Variants in AGO2 observed in about 807,000 individuals in gnomAD.
AGO2 encodes argonaute RISC catalytic component 2, also known as protein argonaute-2.
In AGO2, 5 loss-of-function variants were observed where a neutral mutation model predicts 102.3. That is an observed-to-expected ratio of 0.05 (90% CI 0.03 to 0.10). The LOEUF (loss-of-function observed/expected upper bound fraction) is 0.10, where lower values mean the gene tolerates loss of function less well. AGO2 is among the 10% of genes least tolerant of loss of function. The pLI is 1.00. For missense variants in AGO2, 541 were observed against 1,183.7 expected (o/e 0.46, Z 7.97); for synonymous variants, 449 against 473.1 (o/e 0.95, Z 0.66).
At chr8:140,562,106 C>T (rs1041681947) in intron 4 of AGO2, among the ~76,000 whole-genome samples, 10 of 152,180 alleles carry the variant, frequency 6.6e-5, no homozygotes, top group South Asian at 2.1e-4. Flanking sequence ...GCATGCAGCA[C>T]GAAACTGGGA....
chr8:140,551,184 C>T, intron 11 of AGO2, 119 bp downstream of exon 11: 1 of 1,237,088 alleles, frequency 8.1e-7, no homozygotes, highest in Non-Finnish European at 1.1e-6. Flanking sequence ...ACCCTGACAT[C>T]AAAACCCATA....
intron 1 of AGO2, chr8:140,592,827 C>G (rs901132169): frequency 3.3e-5 from 5 of 152,332 alleles, no homozygotes; most frequent in Non-Finnish European, 5.9e-5. Flanking sequence ...ATTTCTCCAG[C>G]ATCAACATTA....
At chr8:140,626,357 CAAAGT>C (rs2074276287) in intron 1 of AGO2, 2 of 152,134 alleles carry the variant, frequency 1.3e-5, no homozygotes, top group South Asian at 4.1e-4. Flanking sequence ...TCCCTGCTTG[CAAAGT>C]AAAGACCCAG....
At chr8:140,553,409 T>G (rs1191234861) in intron 10 of AGO2, among the ~76,000 whole-genome samples, 34 of 113,758 alleles carry the variant, frequency 3.0e-4, no homozygotes, top group East Asian at 1.1e-3. Flanking sequence ...TTTTTGTTTT[T>G]TGTTTTTTTT....
In AGO2 at chr8:140,558,476, G is replaced by A; in HGVS notation, c.878+9C>T. 1 of 1,614,156 alleles carries A rather than the reference G, an allele frequency of 6.2e-7. No individual in the cohort carries two copies. Among genetic ancestry groups the A allele is most frequent in the Non-Finnish European group, 8.5e-7 (1 of 1,179,956 alleles). ...CAGCCAAGAGAGTCTGAAAGGAAGG[G>A]CGTGTTACGTTTGGTGACTGGCGGG... On this transcript the variant is annotated intron_variant, in intron 7 of 18. Coordinates refer to ENST00000220592, the MANE Select transcript of AGO2 (RefSeq NM_012154.5).
At chr8:140,600,823 G>A (rs2073922776) in intron 1 of AGO2, among the ~76,000 whole-genome samples, 2 of 151,634 alleles carry the variant, frequency 1.3e-5, no homozygotes, top group South Asian at 4.2e-4. Flanking sequence ...TCAAACCCCA[G>A]TGAGTGGGTC....
chr8:140,578,027 C>T (rs942911967), intron 2 of AGO2, among the ~76,000 whole-genome samples: 1 of 152,168 alleles, frequency 6.6e-6, no homozygotes, highest in Non-Finnish European at 1.5e-5. Flanking sequence ...CCCGTGGAGT[C>T]GGCTGGCAGA....
Position 140,521,298 on chromosome 8 carries a change from A to C in AGO2, c.*10746T>G, listed in dbSNP as rs2072412665. 1 of 152,202 alleles carries C rather than the reference A, an allele frequency of 6.6e-6. No individual in the cohort carries two copies. The highest frequency in any genetic ancestry group is 2.1e-4 in the South Asian group (1 of 4,832). 9.4% of individuals were successfully genotyped at this position (152,202 alleles called of 1,614,324 possible). On this transcript the variant is annotated 3_prime_UTR_variant, in exon 19 of 19. Transcript: ENST00000220592. ...TAGAGCTTAAGTATCAACCTGATGG[A>C]AGTTAGAAAATTAAAAACATTTAAG...
intron 2 of AGO2, among the ~76,000 whole-genome samples, chr8:140,574,570 G>C (rs902857085): frequency 6.6e-6 from 1 of 152,010 alleles, no homozygotes; most frequent in Non-Finnish European, 1.5e-5. Flanking sequence ...AGCTCAGGGG[G>C]GTTCTGAGGC....
intron 1 of AGO2, among the ~76,000 whole-genome samples, chr8:140,597,483 C>CCCCCCCCCCCCCG (rs2073865184): frequency 7.2e-6 from 1 of 138,234 alleles, no homozygotes; most frequent in African/African-American, 3.0e-5. Flanking sequence ...CACCCCCCCC[C>CCCCCCCCCCCCCG]CCCCGCCCCA....
chr8:140,582,113 T>C (rs918879630), intron 2 of AGO2, among the ~76,000 whole-genome samples: 5 of 152,232 alleles, frequency 3.3e-5, no homozygotes, highest in Admixed American at 2.6e-4. Flanking sequence ...TATTATTCTA[T>C]ATACTTGGAA....
At position 140,634,701 on chromosome 8, in the gene AGO2, C is replaced by T. The variant is rs1197150690; in HGVS notation, c.22+784G>A. Among the ~76,000 whole-genome samples the T allele has an allele frequency of 3.3e-5, 5 of 152,348 alleles. No individual in the cohort carries two copies. The East Asian group carries it at 9.6e-4, about 29-fold the overall frequency. On this transcript the variant is annotated intron_variant, in intron 1 of 18. Coordinates refer to ENST00000220592, the MANE Select transcript of AGO2 (RefSeq NM_012154.5). ...CAGGAATCCACCTCGCCTCACCTCTCCTAGGAAATTGTAAAAGGAATTAGC... is the reference window on the plus strand; with the variant it reads ...CAGGAATCCACCTCGCCTCACCTCTTCTAGGAAATTGTAAAAGGAATTAGC...
chr8:140,610,774 C>G (rs960966907), intron 1 of AGO2, among the ~76,000 whole-genome samples: 1 of 152,186 alleles, frequency 6.6e-6, no homozygotes, highest in East Asian at 1.9e-4. Context: ...GCCAACCCCC[C>G]CATATGCTCA....
chr8:140,544,311 GA>G lies in AGO2; in HGVS notation c.1749-9del. ...TGCTGGAACACCGGCGGCCTGCGGA[GA>G]GGAGTGGCGTCAGGGGCCACGGTGA... is the stretch of plus-strand genomic sequence containing the variant. On this transcript the variant is annotated splice_polypyrimidine_tract_variant and intron_variant, in intron 13 of 18. Transcript: ENST00000220592. The G allele has an allele frequency of 6.3e-7, 1 of 1,597,170 alleles. No individual in the cohort carries two copies. Among genetic ancestry groups the G allele is most frequent in the South Asian group, 1.1e-5 (1 of 88,820 alleles).
At chr8:140,624,726 A>G (rs1490983148) in intron 1 of AGO2, among the ~76,000 whole-genome samples, 14 of 152,252 alleles carry the variant, frequency 9.2e-5, no homozygotes, top group Admixed American at 8.5e-4. Flanking sequence ...GATGCCGGAC[A>G]CTATGCGGGG....
rs1216624313 is a variant in AGO2 at position 140,525,957 on chromosome 8, A to G, written c.*6087T>C. The G allele has an allele frequency of 2.6e-5, 4 of 152,180 alleles. No individual in the cohort carries two copies. Among genetic ancestry groups the G allele is most frequent in the South Asian group, 4.1e-4 (2 of 4,828 alleles). The allele number at this position is 152,180 out of a possible 1,614,324, so 9.4% of individuals were successfully genotyped here. On this transcript the variant is annotated 3_prime_UTR_variant, in exon 19 of 19. Transcript: ENST00000220592. ...CACTGCGCCACTAGTGGGAACTTCT[A>G]CTTCAAAACACCAGCTGTGGGCCCT...
intron 13 of AGO2, among the ~76,000 whole-genome samples, chr8:140,546,414 G>A (rs73713176): frequency 0.011 from 1,707 of 152,340 alleles, 31 homozygotes; most frequent in African/African-American, 0.039. Flanking sequence ...ACTCGGGAAC[G>A]AGCCCCGCTG....
intron 1 of AGO2, among the ~76,000 whole-genome samples, chr8:140,588,148 T>C (rs188363734): frequency 7.4e-4 from 113 of 152,364 alleles, no homozygotes; most frequent in African/African-American, 2.6e-3. Flanking sequence ...CCACATGTCC[T>C]ACCCAGTCTT....
intron 3 of AGO2, among the ~76,000 whole-genome samples, chr8:140,566,948 T>A (rs572139181): frequency 6.6e-6 from 1 of 152,164 alleles, no homozygotes; most frequent in Admixed American, 6.5e-5. Flanking sequence ...GCGCGTGCAT[T>A]TCCAGCTCAC....
Sources: gnomAD v4.1 joint callset for allele counts (sites outside exome capture counted in the v4.1 genomes callset) on GRCh38, gnomAD v4.1.1 for gene constraint, MANE v1.5 for transcripts, NCBI Gene and HGNC (gene_info 2026-07-23, HGNC 2026-07-21) for gene names.